Variants in MTA1 observed in about 807,000 individuals in gnomAD.
MTA1 encodes metastasis-associated protein MTA1.
Under a neutral mutation model 97.0 loss-of-function variants are expected in MTA1, and 15 were observed. That is an observed-to-expected ratio of 0.15 (90% CI 0.10 to 0.24). The LOEUF is 0.24. Ranked by LOEUF, MTA1 falls within the 10% of genes least tolerant of loss-of-function variation. The pLI is 1.00. For missense variants in MTA1, 709 were observed against 1,015.1 expected, an observed-to-expected ratio of 0.70 and a Z score of 4.10; for synonymous variants, 435 against 417.5, an observed-to-expected ratio of 1.04 and a Z score of -0.51.
chr14:105,422,660 T>G lies in MTA1; in HGVS notation c.28+2597T>G, dbSNP rs1438966727. ...CATGGGACATACTTGTCCCAGAAGATTCTTATCTGACATTCACAGTTATCT... is the reference window on the plus strand; with the variant it reads ...CATGGGACATACTTGTCCCAGAAGAGTCTTATCTGACATTCACAGTTATCT... On this transcript the variant is annotated intron_variant, in intron 1 of 20. Transcript: ENST00000331320. The surrounding 1 kb of genome is among the most constrained non-coding windows in gnomAD (Gnocchi z 4.3). Among the ~76,000 whole-genome samples the G allele has an allele frequency of 6.6e-6, 1 of 152,174 alleles. No individual in the cohort carries two copies. Among genetic ancestry groups the G allele is most frequent in the Non-Finnish European group, 1.5e-5 (1 of 68,034 alleles).
At chr14:105,448,142 C>T (rs587720632) in intron 3 of MTA1, among the ~76,000 whole-genome samples, 4 of 152,034 alleles carry the variant, frequency 2.6e-5, no homozygotes, top group African/African-American at 9.7e-5. Flanking sequence ...CAGAGGAGGG[C>T]GTGGGGGCCC....
In MTA1 at chr14:105,463,086, C is replaced by A; in HGVS notation, c.943-98C>A. 1.6e-6 allele frequency: 2 copies of A among 1,228,302 alleles called. No individual in the cohort carries two copies. The highest frequency in any genetic ancestry group is 1.5e-5 in the African/African-American group (1 of 67,346). 76.1% of individuals were successfully genotyped at this position (1,228,302 alleles called of 1,614,324 possible). Reference sequence around the variant, plus strand: ...CACACCTCGCCCTCTGGCCTCCCGCCCCCTCTGTGGCCTTCTGGCCGCAGC... The same window carrying A: ...CACACCTCGCCCTCTGGCCTCCCGCACCCTCTGTGGCCTTCTGGCCGCAGC... On this transcript the variant is annotated intron_variant, in intron 10 of 20. Coordinates refer to ENST00000331320, the MANE Select transcript of MTA1 (RefSeq NM_004689.4). This position sits in a 1 kb window ranked among gnomAD's most constrained non-coding sequence, Gnocchi z 5.9.
At chr14:105,443,776 G>A (rs2082621480) in intron 2 of MTA1, among the ~76,000 whole-genome samples, 1 of 152,170 alleles carries the variant, frequency 6.6e-6, no homozygotes, top group Admixed American at 6.6e-5. Context: ...GTGAAACCCC[G>A]TCTCTACAAA....
intron 10 of MTA1, among the ~76,000 whole-genome samples, chr14:105,462,655 G>A (rs2083402046): frequency 6.6e-6 from 1 of 151,996 alleles, no homozygotes; most frequent in South Asian, 2.1e-4. Context: ...GACCACTTGA[G>A]GTCAGGAGTT....
intron 19 of MTA1, 72 bp downstream of exon 19, chr14:105,469,570 T>C: frequency 5.2e-6 from 8 of 1,548,644 alleles, no homozygotes; most frequent in Admixed American, 1.7e-5. Flanking sequence ...GGAAGAGGCC[T>C]GGCCAGCCCT....
chr14:105,462,820 G>T (rs587596178), intron 10 of MTA1, among the ~76,000 whole-genome samples: 1 of 152,266 alleles, frequency 6.6e-6, no homozygotes, highest in African/African-American at 2.4e-5. Context: ...AGCGAGCCGA[G>T]ATTGTACTAC....
intron 1 of MTA1, among the ~76,000 whole-genome samples, chr14:105,426,139 T>A (rs781825808): frequency 1.3e-5 from 2 of 151,472 alleles, no homozygotes; most frequent in Non-Finnish European, 2.9e-5. Context: ...AGGAGGAGGG[T>A]CTGCAGATCT....
chr14:105,457,720 G>A (rs2083204966), intron 7 of MTA1, among the ~76,000 whole-genome samples: 1 of 152,244 alleles, frequency 6.6e-6, no homozygotes, highest in African/African-American at 2.4e-5. Flanking sequence ...GAGGTCAAGA[G>A]TTCGAGACCA....
rs919936358 is a variant in MTA1, at chr14:105,424,447, C to T, written c.28+4384C>T. Among the ~76,000 whole-genome samples, 5 of 151,970 alleles carry T rather than the reference C, an allele frequency of 3.3e-5. No homozygotes were observed. The highest frequency in any genetic ancestry group is 4.8e-5 in the African/African-American group (2 of 41,368). ...CGATCTCCTGACCTTGTGACCCACCCGCCTCAGCCTCTCAAAGTATTGGGA... is the reference window on the plus strand; with the variant it reads ...CGATCTCCTGACCTTGTGACCCACCTGCCTCAGCCTCTCAAAGTATTGGGA... On this transcript the variant is annotated intron_variant, in intron 1 of 20. Coordinates refer to ENST00000331320, the MANE Select transcript of MTA1 (RefSeq NM_004689.4). The surrounding 1 kb of genome is among the most constrained non-coding windows in gnomAD (Gnocchi z 4.0).
At chr14:105,458,443 G>A in intron 8 of MTA1, 71 bp downstream of exon 8, 1 of 1,405,444 alleles carries the variant, frequency 7.1e-7, no homozygotes, top group Non-Finnish European at 1.0e-6. Flanking sequence ...CCCTGTGGTG[G>A]GTGTTGGGGA....
At chr14:105,454,621 T>C in intron 7 of MTA1, 1 of 246,944 alleles carries the variant, frequency 4.0e-6, no homozygotes, top group South Asian at 5.4e-5. Context: ...TTTTTCTTTT[T>C]TTTCAGACGG....
Position 105,466,539 on chromosome 14 carries a change from C to A in MTA1, c.1738C>A (p.Leu580Met). The change falls in exon 17 of 21, where the codon CTG (leucine) becomes ATG (methionine). Residue 580 changes from leucine (L) to methionine (M), a missense_variant. Physicochemically the swap from Leu to Met is conservative, Grantham distance 15. This residue lies in a region of MTA1 where 388 missense variants were observed against 421.6 expected (regional missense o/e 0.92). Transcript: ENST00000331320. ...CATCAACAACGGCTCCCCCACCATCCTGGGCAAGCGCAGCTACGAGCAGCA... is the reference window on the plus strand; with the variant it reads ...CATCAACAACGGCTCCCCCACCATCATGGGCAAGCGCAGCTACGAGCAGCA... ...PVINNGSPTI[L>M]GKRSYEQHNG... is the part of the protein sequence containing the mutation. The A allele has an allele frequency of 6.3e-7, 1 of 1,586,770 alleles. No homozygotes were observed. Among genetic ancestry groups the A allele is most frequent in the East Asian group, 2.3e-5 (1 of 43,360 alleles).
intron 1 of MTA1, among the ~76,000 whole-genome samples, chr14:105,436,561 C>G (rs1555424425): frequency 6.6e-6 from 1 of 152,198 alleles, no homozygotes; most frequent in African/African-American, 2.4e-5. Flanking sequence ...GTAGGTGGCC[C>G]CACTGCACGC....
intron 1 of MTA1, among the ~76,000 whole-genome samples, chr14:105,428,520 G>A (rs1192653665): frequency 2.6e-5 from 4 of 152,052 alleles, no homozygotes; most frequent in African/African-American, 7.2e-5. Flanking sequence ...CTCCCACTTC[G>A]GACTCCCATA....
In MTA1 at chr14:105,470,120, T is replaced by A; in HGVS notation, c.2053T>A (p.Tyr685Asn). 6.2e-7 allele frequency: 1 copy of A among 1,612,418 alleles called. No homozygotes were observed. The highest frequency in any genetic ancestry group is 8.5e-7 in the Non-Finnish European group (1 of 1,179,802). ...SETKRAARRP[Y>N]KPIALRQSQA... ...AACCAAGCGTGCTGCCCGCCGGCCC[T>A]ACAAGCCCATCGCCCTGCGCCAGAG... Residue 685 changes from tyrosine (Y) to asparagine (N), a missense_variant, in exon 21 of 21, where the codon TAC (tyrosine) becomes AAC (asparagine). This residue lies in a region of MTA1 where 388 missense variants were observed against 421.6 expected (regional missense o/e 0.92). Coordinates refer to ENST00000331320, the MANE Select transcript of MTA1 (RefSeq NM_004689.4).
chr14:105,435,257 G>A (rs1053372679), intron 1 of MTA1, among the ~76,000 whole-genome samples: 1 of 152,128 alleles, frequency 6.6e-6, no homozygotes, highest in African/African-American at 2.4e-5. Context: ...TGAATATGAT[G>A]AGCTACACTG....
chr14:105,421,088 C>T (rs587612723), intron 1 of MTA1, among the ~76,000 whole-genome samples: 1 of 152,010 alleles, frequency 6.6e-6, no homozygotes, highest in South Asian at 2.1e-4. Context: ...GTGGTCTGGC[C>T]GGCCAGTCCT....
chr14:105,424,276 G>A lies in MTA1; in HGVS notation c.28+4213G>A, dbSNP rs1466714147. ...GTAGCGCAATCTGGGCTCACTGCAA[G>A]TCCGCCTCCCGGGTTCACACCATTC... On this transcript the variant is annotated intron_variant, in intron 1 of 20. Transcript: ENST00000331320. This position sits in a 1 kb window ranked among gnomAD's most constrained non-coding sequence, Gnocchi z 4.0. Among the ~76,000 whole-genome samples the A allele has an allele frequency of 6.6e-6, 1 of 151,934 alleles. No individual in the cohort carries two copies. Among genetic ancestry groups the A allele is most frequent in the African/African-American group, 2.4e-5 (1 of 41,362 alleles).
chr14:105,458,574 G>A (rs1010822908), intron 8 of MTA1, among the ~76,000 whole-genome samples: 5 of 152,182 alleles, frequency 3.3e-5, no homozygotes, highest in African/African-American at 9.6e-5. Context: ...TTAAATAGAA[G>A]GGCGGCCCTT....
Sources: allele counts gnomAD v4.1 joint callset (sites outside exome capture counted in the v4.1 genomes callset), GRCh38; gene constraint gnomAD v4.1.1; regional missense constraint gnomAD v4.1.1; non-coding constraint Gnocchi (gnomAD v3.1); transcripts MANE v1.5; gene names NCBI Gene and HGNC (gene_info 2026-07-23, HGNC 2026-07-21).